Variants in ANKS1B observed in about 807,000 individuals in gnomAD.
ANKS1B encodes ankyrin repeat and sterile alpha motif domain-containing protein 1B.
A neutral mutation model predicts 148.3 loss-of-function variants in ANKS1B; 36 were observed. That is an observed-to-expected ratio of 0.24 (90% CI 0.19 to 0.32). ANKS1B has a LOEUF of 0.32. Among genes scored for constraint, ANKS1B ranks in the 10% least tolerant of loss-of-function variants. The pLI, the probability that ANKS1B is intolerant of heterozygous loss-of-function variation, is 1.00. For synonymous variants in ANKS1B, 542 were observed against 560.8 expected (o/e 0.97, Z 0.47); for missense variants, 1,157 against 1,542.6 (o/e 0.75, Z 4.19).
intron 15 of ANKS1B, among the ~76,000 whole-genome samples, chr12:99,095,026 T>TG (rs10543431): frequency 0.013 from 1,874 of 149,520 alleles, 39 homozygotes; most frequent in African/African-American, 0.04. Flanking sequence ...TGGGTCTCAC[T>TG]GGGGGGGGGG....
At chr12:99,008,530 A>C (rs1157899386) in intron 17 of ANKS1B, among the ~76,000 whole-genome samples, 1 of 152,114 alleles carries the variant, frequency 6.6e-6, no homozygotes, top group Non-Finnish European at 1.5e-5. Flanking sequence ...TGCCCAGAAA[A>C]GACTTCTACA....
intron 8 of ANKS1B, among the ~76,000 whole-genome samples, chr12:99,680,640 G>A (rs1239993159): frequency 1.3e-5 from 2 of 152,144 alleles, no homozygotes; most frequent in Admixed American, 6.5e-5. Context: ...GGGGGAGGGG[G>A]AGAATAGGAA....
intron 20 of ANKS1B, among the ~76,000 whole-genome samples, chr12:98,804,677 AG>A (rs1393379502): frequency 1.3e-5 from 2 of 152,170 alleles, no homozygotes; most frequent in Non-Finnish European, 2.9e-5. Context: ...GCTGAATTAC[AG>A]CAGGAATGAG....
At chr12:99,445,027 T>G (rs751957384) in intron 10 of ANKS1B, among the ~76,000 whole-genome samples, 1 of 151,996 alleles carries the variant, frequency 6.6e-6, no homozygotes, top group East Asian at 1.9e-4. Flanking sequence ...GTATGACACA[T>G]AGAATTACTT....
chr12:99,062,707 T>C (rs1469079905), intron 16 of ANKS1B, among the ~76,000 whole-genome samples: 2 of 151,406 alleles, frequency 1.3e-5, no homozygotes, highest in African/African-American at 2.4e-5. Flanking sequence ...AAGGGGGAGA[T>C]GAGATTTTAG....
chr12:99,288,060 G>C (rs190706204), intron 12 of ANKS1B, among the ~76,000 whole-genome samples: 1 of 152,050 alleles, frequency 6.6e-6, no homozygotes, highest in Admixed American at 6.6e-5. Context: ...ACAAGAACAA[G>C]AAGGTTCTAT....
intron 17 of ANKS1B, among the ~76,000 whole-genome samples, chr12:98,956,896 T>G (rs1488767579): frequency 1.3e-5 from 2 of 152,156 alleles, no homozygotes; most frequent in Non-Finnish European, 2.9e-5. Context: ...TCCATCTCAC[T>G]GCCATGTCCT....
intron 9 of ANKS1B, among the ~76,000 whole-genome samples, chr12:99,528,432 C>CA (rs537716638): frequency 0.22 from 21,626 of 96,466 alleles, 1,718 homozygotes; most frequent in Middle Eastern, 0.26. Context: ...AAAACAAAAA[C>CA]AAAAAAAAAA....
chr12:99,882,487 C>T (rs187645154), intron 1 of ANKS1B, among the ~76,000 whole-genome samples: 80 of 152,172 alleles, frequency 5.3e-4, no homozygotes, highest in Non-Finnish European at 7.8e-4. Context: ...CTAAAAATTA[C>T]AGAAAATAAT....
intron 20 of ANKS1B, among the ~76,000 whole-genome samples, chr12:98,806,907 G>A (rs545503019): frequency 6.6e-6 from 1 of 152,230 alleles, no homozygotes; most frequent in South Asian, 2.1e-4. Flanking sequence ...AGACACCATG[G>A]TCCTCAAGAG....
intron 1 of ANKS1B, among the ~76,000 whole-genome samples, chr12:99,974,194 G>T (rs573522584): frequency 4.9e-4 from 75 of 152,204 alleles, no homozygotes; most frequent in Non-Finnish European, 9.4e-4. Flanking sequence ...AGGCTCAAAT[G>T]ATCATTAGCA....
At position 98,767,968 on chromosome 12, in the gene ANKS1B, G is replaced by A. The variant is rs574006323; in HGVS notation, c.3579+5074C>T. ...TTCTCTCCACTCATTTAAGAGCAGA[G>A]GAGAGAAAAGCTGAGTCCATTTTTA... is the stretch of plus-strand genomic sequence containing the variant. On this transcript the variant is annotated intron_variant, in intron 25 of 26. Coordinates refer to ENST00000683438, the MANE Select transcript of ANKS1B (RefSeq NM_001352186.2). Among the ~76,000 whole-genome samples the A allele has an allele frequency of 3.3e-5, 5 of 152,268 alleles. No homozygotes were observed. The South Asian group carries it at 1.0e-3, about 32-fold the overall frequency.
At chr12:99,280,299 G>A (rs1456378709) in intron 12 of ANKS1B, among the ~76,000 whole-genome samples, 1 of 152,074 alleles carries the variant, frequency 6.6e-6, no homozygotes, top group Non-Finnish European at 1.5e-5. Context: ...CAGCTATATG[G>A]TTTGGCAGGG....
chr12:99,354,762 C>T (rs533586101), intron 12 of ANKS1B, among the ~76,000 whole-genome samples: 11 of 151,796 alleles, frequency 7.2e-5, no homozygotes, highest in Non-Finnish European at 1.6e-4. Context: ...AGGAGACCTG[C>T]AGAATAATAA....
intron 11 of ANKS1B, among the ~76,000 whole-genome samples, chr12:99,406,929 T>A (rs1410811561): frequency 1.4e-5 from 2 of 145,862 alleles, no homozygotes; most frequent in African/African-American, 2.6e-5. Flanking sequence ...ATGGCTTCAC[T>A]GCTGAATTCT....
chr12:99,621,179 C>A (rs1158183949), intron 9 of ANKS1B, among the ~76,000 whole-genome samples: 2 of 152,094 alleles, frequency 1.3e-5, no homozygotes, highest in African/African-American at 4.8e-5. Context: ...AATAAAACCT[C>A]TTCCAGACAA....
intron 2 of ANKS1B, among the ~76,000 whole-genome samples, chr12:99,818,504 C>G (rs2082138196): frequency 6.6e-6 from 1 of 151,802 alleles, no homozygotes; most frequent in Admixed American, 6.6e-5. Flanking sequence ...CATTGCTAAT[C>G]AATATCTGTA....
chr12:99,834,430 G>C (rs900665412), intron 1 of ANKS1B, among the ~76,000 whole-genome samples: 1 of 152,078 alleles, frequency 6.6e-6, no homozygotes, highest in South Asian at 2.1e-4. Flanking sequence ...AATGTTCTCA[G>C]ACAATATGGG....
chr12:99,260,160 C>G (rs903673453), intron 12 of ANKS1B, among the ~76,000 whole-genome samples: 8 of 152,034 alleles, frequency 5.3e-5, no homozygotes, highest in African/African-American at 1.7e-4. Flanking sequence ...CATTTATATA[C>G]TATCCCAATG....
Sources: gnomAD v4.1 joint callset for allele counts (sites outside exome capture counted in the v4.1 genomes callset) on GRCh38, gnomAD v4.1.1 for gene constraint, MANE v1.5 for transcripts, NCBI Gene and HGNC (gene_info 2026-07-23, HGNC 2026-07-21) for gene names.